FMN2: variants seen among roughly 807,000 people sequenced by gnomAD.
The protein encoded by FMN2 is formin-2.
Under a neutral mutation model 142.3 loss-of-function variants are expected in FMN2, and 51 were observed. The observed-to-expected ratio is 0.36, with a 90% CI of 0.29 to 0.45. The LOEUF (loss-of-function observed/expected upper bound fraction) is 0.45, where lower values mean the gene tolerates loss of function less well. Ranked by LOEUF, FMN2 falls within the 20% of genes least tolerant of loss-of-function variation. The probability of loss-of-function intolerance (pLI) is 1.00; values close to 1 mark genes in which losing one functional copy is unlikely to be tolerated. For synonymous variants in FMN2, 882 were observed against 869.8 expected (o/e 1.01, Z -0.25); for missense variants, 1,936 against 2,122.8 (o/e 0.91, Z 1.73).
intron 7 of FMN2, among the ~76,000 whole-genome samples, 164 bp from the exon 8 acceptor site, chr1:240,294,658 A>G (rs933276577): frequency 6.6e-6 from 1 of 152,192 alleles, no homozygotes; most frequent in African/African-American, 2.4e-5. Flanking sequence ...CACCTGGCCC[A>G]GCGAAATTCC....
At chr1:240,145,328 G>GGCTGCTGGGA (rs1428999650) in intron 2 of FMN2, 3 of 1,058,926 alleles carry the variant, frequency 2.8e-6, no homozygotes, top group African/African-American at 3.2e-5. Flanking sequence ...CGCCGCTGGG[G>GGCTGCTGGGA]GCTGCTGGGA....
intron 7 of FMN2, among the ~76,000 whole-genome samples, chr1:240,258,710 C>A (rs945015862): frequency 1.3e-5 from 2 of 152,140 alleles, no homozygotes; most frequent in East Asian, 3.9e-4. Context: ...GTACAATTGA[C>A]GGCCATTCTT....
intron 2 of FMN2, among the ~76,000 whole-genome samples, chr1:240,139,430 G>A (rs902853426): frequency 6.6e-6 from 1 of 152,138 alleles, no homozygotes; most frequent in African/African-American, 2.4e-5. Flanking sequence ...AGAGATTGAC[G>A]ACTCTTCAGT....
At chr1:240,216,466 T>C (rs1666900344) in intron 6 of FMN2, among the ~76,000 whole-genome samples, 1 of 152,216 alleles carries the variant, frequency 6.6e-6, no homozygotes, top group African/African-American at 2.4e-5. Context: ...CTATGTAATC[T>C]ATCAGATTAA....
chr1:240,206,685 C>A, intron 4 of FMN2, 114 bp from the exon 5 acceptor site: 1 of 1,252,552 alleles, frequency 8.0e-7, no homozygotes, highest in Non-Finnish European at 1.1e-6. Context: ...ATCTTTCTGT[C>A]AAGGAGTCCT....
chr1:240,205,650 A>G (rs1284307495), intron 4 of FMN2, among the ~76,000 whole-genome samples: 7 of 150,162 alleles, frequency 4.7e-5, no homozygotes, highest in Non-Finnish European at 1.0e-4. Context: ...TTTAGTAGAG[A>G]CGGGGTTTCA....
At chr1:240,176,044 A>G (rs1463035548) in intron 2 of FMN2, among the ~76,000 whole-genome samples, 1 of 152,082 alleles carries the variant, frequency 6.6e-6, no homozygotes, top group Non-Finnish European at 1.5e-5. Context: ...CGGAAGTTTT[A>G]AATTATGATA....
chr1:240,446,495 A>C (rs1675820175), intron 16 of FMN2, among the ~76,000 whole-genome samples: 1 of 152,196 alleles, frequency 6.6e-6, no homozygotes. Flanking sequence ...TTTGCAGTAG[A>C]ACTATCCTGG....
chr1:240,224,241 A>G (rs1354831157), intron 6 of FMN2, among the ~76,000 whole-genome samples: 1 of 152,000 alleles, frequency 6.6e-6, no homozygotes, highest in Non-Finnish European at 1.5e-5. Context: ...TTCGTTATTT[A>G]CCCAGTAGTC....
intron 3 of FMN2, among the ~76,000 whole-genome samples, chr1:240,181,612 G>T (rs990179090): frequency 1.3e-5 from 2 of 152,152 alleles, no homozygotes; most frequent in African/African-American, 4.8e-5. Context: ...TCTGCAGTTG[G>T]CATTGTCTCC....
At chr1:240,291,888 G>A (rs1669805536) in intron 7 of FMN2, among the ~76,000 whole-genome samples, 1 of 152,104 alleles carries the variant, frequency 6.6e-6, no homozygotes, top group African/African-American at 2.4e-5. Flanking sequence ...GCATGGGGAG[G>A]TAACATTAAC....
intron 1 of FMN2, among the ~76,000 whole-genome samples, chr1:240,120,213 T>A (rs1304402135): frequency 6.6e-6 from 1 of 152,248 alleles, no homozygotes; most frequent in Non-Finnish European, 1.5e-5. Context: ...ACTAGTATCC[T>A]GGTAGAATGG....
At chr1:240,317,291 G>C (rs1279476173) in intron 8 of FMN2, among the ~76,000 whole-genome samples, 1 of 143,618 alleles carries the variant, frequency 7.0e-6, no homozygotes, top group African/African-American at 2.6e-5. Context: ...ACTCCAGCCT[G>C]GGGAGACTCC....
chr1:240,366,565 G>T (rs148660112), intron 14 of FMN2, among the ~76,000 whole-genome samples: 18 of 147,736 alleles, frequency 1.2e-4, no homozygotes, highest in Admixed American at 1.1e-3. Context: ...TTGAGATGGA[G>T]TTTCGCTCTT....
intron 2 of FMN2, among the ~76,000 whole-genome samples, chr1:240,162,989 G>T (rs1039343439): frequency 2.0e-5 from 3 of 151,986 alleles, no homozygotes; most frequent in South Asian, 2.1e-4. Context: ...TGACTCTGTT[G>T]TCTTTTTCAA....
At position 240,121,428 on chromosome 1, in the gene FMN2, T is replaced by A. The variant is rs1215671460; in HGVS notation, c.1616-1751T>A. Among the ~76,000 whole-genome samples, 2 of 150,076 alleles carry A rather than the reference T, an allele frequency of 1.3e-5. 1 individual carries two copies. The highest frequency in any genetic ancestry group is 3.0e-5 in the Non-Finnish European group (2 of 67,628). ...GTCTTGCTCTGTCGCTAGGCTGGAG[T>A]GCAGTGGCGCGATCTCGGCTCACTG... On this transcript the variant is annotated intron_variant, in intron 1 of 17. Coordinates refer to ENST00000319653, the MANE Select transcript of FMN2 (RefSeq NM_020066.5).
At chr1:240,173,081 G>T (rs186215278) in intron 2 of FMN2, among the ~76,000 whole-genome samples, 1 of 151,962 alleles carries the variant, frequency 6.6e-6, no homozygotes, top group Admixed American at 6.6e-5. Flanking sequence ...GACTACAGGC[G>T]CCTGCCACCA....
At chr1:240,123,076 C>A in intron 1 of FMN2, 103 bp from the exon 2 acceptor site, 1 of 1,259,932 alleles carries the variant, frequency 7.9e-7, no homozygotes, top group Non-Finnish European at 1.1e-6. Flanking sequence ...GCCTTGGAAA[C>A]GGTGTTGTTC....
intron 7 of FMN2, among the ~76,000 whole-genome samples, chr1:240,285,461 T>C (rs1208763796): frequency 1.3e-5 from 2 of 151,968 alleles, no homozygotes; most frequent in East Asian, 3.9e-4. Context: ...ATGAAAGTGC[T>C]GGAGTATTTC....
Sources: allele counts gnomAD v4.1 joint callset (sites outside exome capture counted in the v4.1 genomes callset), GRCh38; gene constraint gnomAD v4.1.1; transcripts MANE v1.5; gene names NCBI Gene and HGNC (gene_info 2026-07-23, HGNC 2026-07-21).